CMSS1: variants seen among roughly 807,000 people sequenced by gnomAD.
CMSS1 encodes the protein cms1 ribosomal small subunit homolog.
Under a neutral mutation model 43.5 loss-of-function variants are expected in CMSS1, and 33 were observed. That is an observed-to-expected ratio of 0.76 (90% CI 0.57 to 1.01). The LOEUF (loss-of-function observed/expected upper bound fraction) is 1.01, where lower values mean the gene tolerates loss of function less well. Among genes scored for constraint, CMSS1 ranks in the 50% least tolerant of loss-of-function variants. The probability of loss-of-function intolerance (pLI) is 0.00; values close to 1 mark genes in which losing one functional copy is unlikely to be tolerated. For synonymous variants in CMSS1, 115 were observed against 117.2 expected, an observed-to-expected ratio of 0.98 and a Z score of 0.12; for missense variants, 313 against 326.4, an observed-to-expected ratio of 0.96 and a Z score of 0.32.
At chr3:100,150,638 A>G (rs866769261) in intron 2 of CMSS1, among the ~76,000 whole-genome samples, 1 of 152,224 alleles carries the variant, frequency 6.6e-6, no homozygotes, top group Non-Finnish European at 1.5e-5. Flanking sequence ...AATCCATGCA[A>G]CTACCTCATC....
At chr3:99,894,035 T>C (rs1354482403) in intron 1 of CMSS1, among the ~76,000 whole-genome samples, 1 of 152,216 alleles carries the variant, frequency 6.6e-6, no homozygotes, top group Non-Finnish European at 1.5e-5. Context: ...CCAGTTAACA[T>C]AGAACCAGCA....
At chr3:99,907,822 A>T (rs1010327281) in intron 1 of CMSS1, among the ~76,000 whole-genome samples, 1 of 152,174 alleles carries the variant, frequency 6.6e-6, no homozygotes, top group African/African-American at 2.4e-5. Context: ...AGATCAAGCC[A>T]TTCCTGATCC....
chr3:100,006,571 GT>G (rs1400567891), intron 1 of CMSS1, among the ~76,000 whole-genome samples: 1 of 150,884 alleles, frequency 6.6e-6, no homozygotes, highest in African/African-American at 2.4e-5. Context: ...AGAAGTTGTA[GT>G]TTTACCCTTT....
At chr3:99,926,612 A>G (rs1707301119) in intron 1 of CMSS1, among the ~76,000 whole-genome samples, 1 of 152,260 alleles carries the variant, frequency 6.6e-6, no homozygotes, top group South Asian at 2.1e-4. Context: ...CAAGATTGAC[A>G]TTAGAATTAA....
Position 99,950,502 on chromosome 3 carries a change from C to T in CMSS1, c.64+132459C>T, listed in dbSNP as rs115556630. ...TTTTTCACTTCTTTATATTATCTTCCGTTTTCACTAGTCTCCCCTGGTGAC... is the reference window on the plus strand; with the variant it reads ...TTTTTCACTTCTTTATATTATCTTCTGTTTTCACTAGTCTCCCCTGGTGAC... On this transcript the variant is annotated intron_variant, in intron 1 of 9. Transcript: ENST00000421999. Among the ~76,000 whole-genome samples, 1,031 of 152,228 alleles carry T rather than the reference C, an allele frequency of 6.8e-3. 14 individuals are homozygous for T. The highest frequency in any genetic ancestry group is 0.023 in the African/African-American group (955 of 41,510).
chr3:100,160,362 G>T, intron 2 of CMSS1, 68 bp from the exon 3 acceptor site: 1 of 764,162 alleles, frequency 1.3e-6, no homozygotes. Context: ...AGTACTTTGG[G>T]GTTCATGCCA....
At chr3:100,037,409 A>C (rs2065126444) in intron 1 of CMSS1, among the ~76,000 whole-genome samples, 1 of 152,204 alleles carries the variant, frequency 6.6e-6, no homozygotes, top group African/African-American at 2.4e-5. Flanking sequence ...TTAAGTTTGA[A>C]GTTATTTTAA....
chr3:99,837,987 G>A (rs186181827), intron 1 of CMSS1, among the ~76,000 whole-genome samples: 9 of 152,260 alleles, frequency 5.9e-5, no homozygotes, highest in Middle Eastern at 3.4e-3. Flanking sequence ...TGTTCCTTCC[G>A]TGAATCATTT....
chr3:99,847,199 TA>T (rs1044031540), intron 1 of CMSS1, among the ~76,000 whole-genome samples: 1 of 151,458 alleles, frequency 6.6e-6, no homozygotes, highest in African/African-American at 2.4e-5. Context: ...TTTGCTTGTT[TA>T]AAAAAAACTG....
intron 1 of CMSS1, among the ~76,000 whole-genome samples, chr3:99,996,782 G>A (rs1231279093): frequency 6.6e-6 from 1 of 151,748 alleles, no homozygotes; most frequent in African/African-American, 2.4e-5. Flanking sequence ...GAACAGTATG[G>A]GGAAAACCGG....
intron 1 of CMSS1, among the ~76,000 whole-genome samples, chr3:100,098,045 TAAAAC>T (rs2066241691): frequency 6.6e-6 from 1 of 152,236 alleles, no homozygotes; most frequent in African/African-American, 2.4e-5. Flanking sequence ...AAAAATCTAG[TAAAAC>T]AAGAATAGCA....
chr3:99,938,247 G>A (rs1004157104), intron 1 of CMSS1, among the ~76,000 whole-genome samples: 3 of 152,204 alleles, frequency 2.0e-5, no homozygotes, highest in African/African-American at 7.2e-5. Flanking sequence ...ACCCTCACAT[G>A]CATGAAATGA....
chr3:99,920,746 G>T (rs189757825), intron 1 of CMSS1, among the ~76,000 whole-genome samples: 52 of 152,224 alleles, frequency 3.4e-4, no homozygotes, highest in Admixed American at 3.1e-3. Flanking sequence ...TGAGCTCAAT[G>T]TGTGACATCA....
chr3:99,971,070 G>C (rs1046446624), intron 1 of CMSS1, among the ~76,000 whole-genome samples: 7 of 152,196 alleles, frequency 4.6e-5, no homozygotes, highest in African/African-American at 9.6e-5. Flanking sequence ...GGGCGTGGTG[G>C]CTCACGCCTG....
intron 1 of CMSS1, among the ~76,000 whole-genome samples, chr3:99,862,996 T>C (rs1944335189): frequency 6.6e-6 from 1 of 152,210 alleles, no homozygotes; most frequent in South Asian, 2.1e-4. Context: ...TTTTTGGATG[T>C]GAATGTGTAC....
intron 1 of CMSS1, among the ~76,000 whole-genome samples, chr3:100,143,164 G>A (rs930768756): frequency 6.6e-6 from 1 of 152,198 alleles, no homozygotes; most frequent in Non-Finnish European, 1.5e-5. Context: ...AGAACTTGGG[G>A]TAGCCTTTAG....
chr3:100,058,459 T>C (rs967025954), intron 1 of CMSS1, among the ~76,000 whole-genome samples: 1 of 152,246 alleles, frequency 6.6e-6, no homozygotes, highest in Non-Finnish European at 1.5e-5. Context: ...AAGTCTGTTC[T>C]TGGGTGCTTC....
In CMSS1 at chr3:99,903,824, C is replaced by T. The variant is rs2107630389; in HGVS notation, c.64+85781C>T. Among the ~76,000 whole-genome samples, 2 of 152,246 alleles carry T rather than the reference C, an allele frequency of 1.3e-5. 1 individual carries two copies. The highest frequency in any genetic ancestry group is 4.1e-4 in the South Asian group (2 of 4,830). ...TTCATATAGAAAACTACACAATGCTCTTTTCTTATTTCTGAGGCAGAAATA... is the reference window on the plus strand; with the variant it reads ...TTCATATAGAAAACTACACAATGCTTTTTTCTTATTTCTGAGGCAGAAATA... On this transcript the variant is annotated intron_variant, in intron 1 of 9. Transcript: ENST00000421999.
In CMSS1 at chr3:100,176,337, T is replaced by C. The variant is rs1424377995; in HGVS notation, c.678T>C (p.Asn226=). The stretch of plus-strand genomic sequence containing the variant: ...TCCTGTCTCTTTCAGGTGGCCTTAA[T>C]TTGAGCCCCTTAAAATTTCTGGTTT... ...IKELVKQGGL[N]LSPLKFLVFD... The change falls in exon 9 of 10, where the codon AAT becomes AAC. Residue 226 remains asparagine (N), a synonymous_variant. Coordinates refer to ENST00000421999, the MANE Select transcript of CMSS1 (RefSeq NM_032359.4). The C allele has an allele frequency of 6.2e-7, 1 of 1,611,920 alleles. No homozygotes were observed. Among genetic ancestry groups the C allele is most frequent in the African/African-American group, 1.3e-5 (1 of 74,986 alleles).
Sources: gnomAD v4.1 joint callset for allele counts (sites outside exome capture counted in the v4.1 genomes callset) on GRCh38, gnomAD v4.1.1 for gene constraint, MANE v1.5 for transcripts, NCBI Gene and HGNC (gene_info 2026-07-23, HGNC 2026-07-21) for gene names.